SPAG16: variants seen among roughly 807,000 people sequenced by gnomAD.
The protein encoded by SPAG16 is sperm associated antigen 16.
SPAG16 carries 86 observed loss-of-function variants against 80.4 expected under a neutral mutation model. The observed-to-expected ratio is 1.07, with a 90% confidence interval of 0.90 to 1.28. The LOEUF (loss-of-function observed/expected upper bound fraction) is 1.28. SPAG16 is among the 50% of genes most tolerant of loss of function. The pLI, the probability that SPAG16 is intolerant of heterozygous loss-of-function variation, is 0.00. For missense variants in SPAG16, 870 were observed against 765.3 expected (o/e 1.14, Z -1.61); for synonymous variants, 294 against 265.9 (o/e 1.11, Z -1.03).
intron 10 of SPAG16, among the ~76,000 whole-genome samples, chr2:213,548,101 A>G (rs1037858919): frequency 2.0e-5 from 3 of 152,222 alleles, no homozygotes; most frequent in Non-Finnish European, 4.4e-5. Flanking sequence ...TGCAAGGGTC[A>G]AGTTCTTGTA....
intron 10 of SPAG16, among the ~76,000 whole-genome samples, chr2:213,543,622 G>A (rs994792744): frequency 4.0e-5 from 6 of 151,688 alleles, no homozygotes; most frequent in African/African-American, 1.5e-4. Context: ...GTTCATATTG[G>A]TAATTTTCCG....
intron 10 of SPAG16, among the ~76,000 whole-genome samples, chr2:213,699,889 T>C (rs959190928): frequency 2.6e-5 from 4 of 152,198 alleles, no homozygotes; most frequent in African/African-American, 9.7e-5. Context: ...TAAGTAAGGT[T>C]TATAATTTGT....
rs568330769 is a variant in SPAG16 at position 214,105,552 on chromosome 2, C to T, written c.1528-2644C>T. Among the ~76,000 whole-genome samples the T allele has an allele frequency of 2.8e-4, 42 of 152,320 alleles. 1 individual carries two copies. In the South Asian group the frequency reaches 6.0e-3, roughly 22 times the overall value. ...CAAAAATTAAATGTGGCCATTTCTACCCCCAGGGTCAGTGATAGAGATCAT... is the reference window on the plus strand; with the variant it reads ...CAAAAATTAAATGTGGCCATTTCTATCCCCAGGGTCAGTGATAGAGATCAT... On this transcript the variant is annotated intron_variant, in intron 13 of 15. Coordinates refer to ENST00000331683, the MANE Select transcript of SPAG16 (RefSeq NM_024532.5).
intron 10 of SPAG16, among the ~76,000 whole-genome samples, chr2:213,849,440 A>C (rs1225093367): frequency 2.0e-5 from 3 of 152,200 alleles, no homozygotes; most frequent in Non-Finnish European, 4.4e-5. Flanking sequence ...TATTTTGTGA[A>C]AGTGCTGAAG....
At chr2:214,260,155 A>G (rs1320781883) in intron 15 of SPAG16, among the ~76,000 whole-genome samples, 3 of 152,146 alleles carry the variant, frequency 2.0e-5, no homozygotes. Flanking sequence ...CCATAACTTC[A>G]GGGACAAAGG....
At chr2:214,361,875 T>C (rs1365167500) in intron 15 of SPAG16, among the ~76,000 whole-genome samples, 1 of 151,908 alleles carries the variant, frequency 6.6e-6, no homozygotes, top group African/African-American at 2.4e-5. Flanking sequence ...AAAGAGATAA[T>C]TGCGTTATGT....
intron 12 of SPAG16, among the ~76,000 whole-genome samples, chr2:213,946,645 A>G (rs2079488226): frequency 6.6e-6 from 1 of 152,218 alleles, no homozygotes; most frequent in Non-Finnish European, 1.5e-5. Flanking sequence ...GAAATTTGAA[A>G]TTGGTACAAT....
At chr2:213,569,816 G>A (rs1449093788) in intron 10 of SPAG16, among the ~76,000 whole-genome samples, 1 of 133,448 alleles carries the variant, frequency 7.5e-6, no homozygotes, top group East Asian at 2.0e-4. Context: ...AATGGTACCA[G>A]TTCCTCCATG....
At chr2:214,090,792 G>A (rs929250261) in intron 13 of SPAG16, among the ~76,000 whole-genome samples, 1 of 151,936 alleles carries the variant, frequency 6.6e-6, no homozygotes, top group Non-Finnish European at 1.5e-5. Flanking sequence ...TTTTATTAAA[G>A]TCTGTTTCTT....
At chr2:213,698,595 C>T (rs910223588) in intron 10 of SPAG16, among the ~76,000 whole-genome samples, 1 of 152,146 alleles carries the variant, frequency 6.6e-6, no homozygotes, top group African/African-American at 2.4e-5. Context: ...CTACTTTTTT[C>T]TCATTCTACA....
rs776109812 is a variant in SPAG16 at position 213,422,118 on chromosome 2, C to G, written c.942+46999C>G. Reference sequence around the variant, plus strand: ...TAACCCAAACAGGGCTGAAATGACCCCCTGCTTGCCACTTTGCAGGTGATG... The same window carrying G: ...TAACCCAAACAGGGCTGAAATGACCGCCTGCTTGCCACTTTGCAGGTGATG... On this transcript the variant is annotated intron_variant, in intron 9 of 15. Transcript: ENST00000331683. 4 of 686,040 alleles carry G rather than the reference C, an allele frequency of 5.8e-6. No individual in the cohort carries two copies. The African/African-American group carries it at 7.0e-5, about 12-fold the overall frequency. The allele number at this position is 686,040 out of a possible 1,614,324, so 42.5% of individuals were successfully genotyped here. A position where few individuals can be genotyped will look rare whatever the true frequency, so the allele number is the denominator to read the frequency against.
At chr2:213,938,933 T>C (rs549080363) in intron 12 of SPAG16, among the ~76,000 whole-genome samples, 2 of 152,248 alleles carry the variant, frequency 1.3e-5, no homozygotes, top group South Asian at 4.1e-4. Context: ...TTCCTCCCAT[T>C]GTCTGACATG....
chr2:214,034,319 A>G (rs2048572800), intron 13 of SPAG16, among the ~76,000 whole-genome samples: 1 of 152,328 alleles, frequency 6.6e-6, no homozygotes, highest in South Asian at 2.1e-4. Context: ...ATTAAAAAAT[A>G]TCTTATTATT....
At chr2:213,354,676 A>G (rs1290028025) in intron 7 of SPAG16, among the ~76,000 whole-genome samples, 9 of 152,184 alleles carry the variant, frequency 5.9e-5, no homozygotes, top group Admixed American at 5.9e-4. Context: ...TTGGCTGCAT[A>G]AATGTCTTCT....
intron 15 of SPAG16, among the ~76,000 whole-genome samples, chr2:214,331,196 A>G (rs2126011924): frequency 6.6e-6 from 1 of 152,286 alleles, no homozygotes; most frequent in Non-Finnish European, 1.5e-5. Context: ...AAAATTGGGC[A>G]GAGGGAGAAC....
chr2:213,327,645 A>T (rs2126171802), intron 5 of SPAG16, among the ~76,000 whole-genome samples: 1 of 152,272 alleles, frequency 6.6e-6, no homozygotes, highest in Non-Finnish European at 1.5e-5. Flanking sequence ...AATTCAAGTG[A>T]CTGAAATTAA....
intron 11 of SPAG16, among the ~76,000 whole-genome samples, chr2:213,913,109 T>C (rs1022312443): frequency 2.0e-5 from 3 of 152,140 alleles, no homozygotes; most frequent in African/African-American, 7.2e-5. Flanking sequence ...ATATTTTATT[T>C]TTACTTCATT....
intron 10 of SPAG16, among the ~76,000 whole-genome samples, chr2:213,681,274 G>A (rs986449016): frequency 1.3e-5 from 2 of 152,186 alleles, no homozygotes; most frequent in African/African-American, 4.8e-5. Context: ...TGTTATGCCA[G>A]AGTCAGACTG....
At chr2:213,458,414 A>G (rs2072160603) in intron 9 of SPAG16, among the ~76,000 whole-genome samples, 1 of 152,000 alleles carries the variant, frequency 6.6e-6, no homozygotes, top group African/African-American at 2.4e-5. Flanking sequence ...AAAAATTAAA[A>G]AAAAAAAAGT....
Sources: gnomAD v4.1 joint callset for allele counts (sites outside exome capture counted in the v4.1 genomes callset) on GRCh38, gnomAD v4.1.1 for gene constraint, MANE v1.5 for transcripts, NCBI Gene and HGNC (gene_info 2026-07-23, HGNC 2026-07-21) for gene names.